CD38: variants seen among roughly 807,000 people sequenced by gnomAD.
CD38 encodes ADP-ribosyl cyclase/cyclic ADP-ribose hydrolase 1.
In CD38, 31 loss-of-function variants were observed where a neutral mutation model predicts 36.3. That is an observed-to-expected ratio of 0.85 (90% CI 0.64 to 1.15). CD38 has a LOEUF of 1.15. CD38 is among the 50% of genes most tolerant of loss of function. The pLI, the probability that CD38 is intolerant of heterozygous loss-of-function variation, is 0.00. For synonymous variants in CD38, 131 were observed against 135.2 expected (o/e 0.97, Z 0.22); for missense variants, 380 against 371.9 (o/e 1.02, Z -0.18).
rs114713438 is a variant in CD38, at chr4:15,798,141, C to T, written c.234-18370C>T. On this transcript the variant is annotated intron_variant, in intron 1 of 7. Coordinates refer to ENST00000226279, the MANE Select transcript of CD38 (RefSeq NM_001775.4). ...AAAATCCTGGCCTCAAGCAATCCTT[C>T]CACCTTGGCCTCCCAAAGTGCTGGG... 2.4e-3 allele frequency among the ~76,000 whole-genome samples: 370 copies of T among 152,306 alleles called. 1 individual carries two copies. Among genetic ancestry groups the T allele is most frequent in the Non-Finnish European group, 4.7e-3 (319 of 68,026 alleles).
intron 1 of CD38, among the ~76,000 whole-genome samples, chr4:15,792,096 C>T (rs1167516670): frequency 1.7e-5 from 1 of 58,402 alleles, no homozygotes; most frequent in African/African-American, 1.7e-4. Flanking sequence ...ATTCTTCTGC[C>T]TTGGGATCCT....
rs142166722 is a variant in CD38 at position 15,784,661 on chromosome 4, A to G, written c.233+6014A>G. On this transcript the variant is annotated intron_variant, in intron 1 of 7. Coordinates refer to ENST00000226279, the MANE Select transcript of CD38 (RefSeq NM_001775.4). ...TGTCCTCACTGAGACCATGAGATTCAGTAGAGTGCTGGAAAGCTTCATGCT... is the reference window on the plus strand; with the variant it reads ...TGTCCTCACTGAGACCATGAGATTCGGTAGAGTGCTGGAAAGCTTCATGCT... Among the ~76,000 whole-genome samples the G allele has an allele frequency of 3.4e-4, 52 of 152,270 alleles. No homozygotes were observed. The East Asian group carries it at 9.4e-3, about 28-fold the overall frequency.
chr4:15,806,242 C>T (rs534097099), intron 1 of CD38, among the ~76,000 whole-genome samples: 1 of 152,292 alleles, frequency 6.6e-6, no homozygotes, highest in South Asian at 2.1e-4. Flanking sequence ...TAACTGTGCC[C>T]TATTCTGGTC....
intron 1 of CD38, among the ~76,000 whole-genome samples, chr4:15,806,405 C>T (rs1723341374): frequency 6.6e-6 from 1 of 152,218 alleles, no homozygotes; most frequent in Admixed American, 6.5e-5. Context: ...CACAGTTTGG[C>T]ATGTGAGGCA....
chr4:15,791,681 A>G (rs1377111950), intron 1 of CD38, among the ~76,000 whole-genome samples: 28 of 56,270 alleles, frequency 5.0e-4, no homozygotes, highest in African/African-American at 7.1e-4. Flanking sequence ...AGGTGGGGGG[A>G]TCAGCCCCCC....
At chr4:15,782,933 A>C (rs1211650787) in intron 1 of CD38, among the ~76,000 whole-genome samples, 1 of 152,180 alleles carries the variant, frequency 6.6e-6, no homozygotes. Context: ...GTCTCCAGAG[A>C]AACTCACTTT....
intron 1 of CD38, among the ~76,000 whole-genome samples, chr4:15,787,084 C>G (rs1722853615): frequency 6.6e-6 from 1 of 152,188 alleles, no homozygotes; most frequent in South Asian, 2.1e-4. Context: ...ACGAGCGCCT[C>G]TCTCTCTACA....
At chr4:15,794,960 G>C (rs1484957236) in intron 1 of CD38, among the ~76,000 whole-genome samples, 1 of 152,122 alleles carries the variant, frequency 6.6e-6, no homozygotes, top group African/African-American at 2.4e-5. Context: ...CAGAAAACTT[G>C]CTTTTATAGA....
chr4:15,802,625 C>T (rs1202692294), intron 1 of CD38, among the ~76,000 whole-genome samples: 3 of 151,726 alleles, frequency 2.0e-5, no homozygotes, highest in Admixed American at 2.0e-4. Flanking sequence ...TGCATGATCT[C>T]AGCTCACTGC....
At chr4:15,832,063 G>A (rs575349400) in intron 3 of CD38, among the ~76,000 whole-genome samples, 21 of 151,802 alleles carry the variant, frequency 1.4e-4, no homozygotes, top group Non-Finnish European at 2.1e-4. Context: ...TGCTTGATCA[G>A]TTCTGCTATA....
chr4:15,804,178 A>G (rs1280943394), intron 1 of CD38, among the ~76,000 whole-genome samples: 5 of 152,218 alleles, frequency 3.3e-5, no homozygotes, highest in African/African-American at 9.6e-5. Context: ...TATACCCAGT[A>G]GTGGGATTTC....
chr4:15,794,071 TAAAC>T lies in CD38; in HGVS notation c.233+15427_233+15430del, dbSNP rs376477810. Among the ~76,000 whole-genome samples the T allele has an allele frequency of 2.5e-3, 383 of 152,330 alleles. 1 individual carries two copies. Among genetic ancestry groups the T allele is most frequent in the African/African-American group, 8.9e-3 (369 of 41,576 alleles). On this transcript the variant is annotated intron_variant, in intron 1 of 7. Coordinates refer to ENST00000226279, the MANE Select transcript of CD38 (RefSeq NM_001775.4). ...AATATTAAATGGAATATTCCAGAAT[TAAAC>T]AACTCGTAAGTTTTAAATTGAGCAC...
At chr4:15,829,412 A>G (rs532416328) in intron 3 of CD38, among the ~76,000 whole-genome samples, 2 of 152,210 alleles carry the variant, frequency 1.3e-5, no homozygotes, top group East Asian at 3.9e-4. Flanking sequence ...GGGGTGTCCA[A>G]TTTTTTGGCT....
intron 3 of CD38, among the ~76,000 whole-genome samples, chr4:15,828,397 C>G (rs1723893133): frequency 6.6e-6 from 1 of 152,182 alleles, no homozygotes; most frequent in African/African-American, 2.4e-5. Context: ...CTATTATTAA[C>G]TACAATCACC....
intron 1 of CD38, among the ~76,000 whole-genome samples, chr4:15,808,177 G>C (rs912271539): frequency 6.6e-6 from 1 of 152,188 alleles, no homozygotes; most frequent in African/African-American, 2.4e-5. Context: ...AAGGATGCAA[G>C]GAAGTGTTTG....
rs140115514 is a variant in CD38 at position 15,852,181 on chromosome 4, C to T, written c.*3579C>T. On this transcript the variant is annotated 3_prime_UTR_variant, in exon 8 of 8. Coordinates refer to ENST00000226279, the MANE Select transcript of CD38 (RefSeq NM_001775.4). ...AGCCCTGAGTCACCATTTGTGTCAA[C>T]GTGTTTAGTGCCATGTCCACGTCTC... 7.9e-4 allele frequency: 120 copies of T among 152,322 alleles called. 2 individuals are homozygous for T. Among genetic ancestry groups the T allele is most frequent in the African/African-American group, 2.6e-3 (106 of 41,564 alleles). 9.4% of individuals were successfully genotyped at this position (152,322 alleles called of 1,614,324 possible).
intron 1 of CD38, among the ~76,000 whole-genome samples, chr4:15,786,739 C>T (rs749415627): frequency 5.9e-5 from 9 of 152,280 alleles, no homozygotes; most frequent in East Asian, 1.9e-4. Flanking sequence ...ACCCGCACTC[C>T]TCAGCCCTTG....
chr4:15,802,191 C>A (rs1723240820), intron 1 of CD38, among the ~76,000 whole-genome samples: 1 of 151,854 alleles, frequency 6.6e-6, no homozygotes, highest in Non-Finnish European at 1.5e-5. Flanking sequence ...ACAATAGCTA[C>A]CCCCCAAAAA....
intron 1 of CD38, among the ~76,000 whole-genome samples, chr4:15,786,828 A>G (rs1465388614): frequency 6.6e-6 from 1 of 152,014 alleles, no homozygotes; most frequent in East Asian, 1.9e-4. Flanking sequence ...CACGGCAGGG[A>G]GGGTGGGGGG....
Sources: gnomAD v4.1 joint callset for allele counts (sites outside exome capture counted in the v4.1 genomes callset) on GRCh38, gnomAD v4.1.1 for gene constraint, MANE v1.5 for transcripts, NCBI Gene and HGNC (gene_info 2026-07-23, HGNC 2026-07-21) for gene names.